The following TEX2 variants were observed in gnomAD, a reference collection of about 807,000 sequenced individuals.
The protein encoded by TEX2 is testis-expressed protein 2.
TEX2 carries 53 observed loss-of-function variants against 106.9 expected under a neutral mutation model. The observed-to-expected ratio is 0.50, with a 90% CI of 0.40 to 0.62. The LOEUF (loss-of-function observed/expected upper bound fraction) is 0.62, where lower values mean the gene tolerates loss of function less well. Among genes scored for constraint, TEX2 ranks in the 20% least tolerant of loss-of-function variants. The probability of loss-of-function intolerance (pLI) is 0.00; values close to 1 mark genes in which losing one functional copy is unlikely to be tolerated. For synonymous variants in TEX2, 523 were observed against 534.8 expected, an observed-to-expected ratio of 0.98 and a Z score of 0.30; for missense variants, 1,207 against 1,379.0, an observed-to-expected ratio of 0.88 and a Z score of 1.98.
At chr17:64,174,049 G>A (rs1313180295) in intron 6 of TEX2, among the ~76,000 whole-genome samples, 1 of 151,548 alleles carries the variant, frequency 6.6e-6, no homozygotes, top group Non-Finnish European at 1.5e-5. Context: ...GTCTTACTAT[G>A]TTGCCTAGTC....
At chr17:64,250,323 G>A (rs1329585280) in intron 1 of TEX2, among the ~76,000 whole-genome samples, 6 of 152,226 alleles carry the variant, frequency 3.9e-5, no homozygotes, top group Non-Finnish European at 5.9e-5. Context: ...ATGCTCAGCC[G>A]TTAGTGAGCA....
intron 5 of TEX2, among the ~76,000 whole-genome samples, chr17:64,179,939 A>G (rs1210329829): frequency 6.6e-6 from 1 of 152,222 alleles, no homozygotes; most frequent in Non-Finnish European, 1.5e-5. Context: ...TCCTGGATGG[A>G]AGGGCAAGAG....
chr17:64,158,601 G>A (rs891420899), intron 8 of TEX2, among the ~76,000 whole-genome samples: 13 of 152,312 alleles, frequency 8.5e-5, no homozygotes, highest in South Asian at 6.2e-4. Context: ...TGGTGATTCC[G>A]TAAACCTCAT....
chr17:64,217,662 ACTC>A lies in TEX2; in HGVS notation c.-25-3423_-25-3421del, dbSNP rs1359404098. Among the ~76,000 whole-genome samples, 1 of 151,910 alleles carries A rather than the reference ACTC, an allele frequency of 6.6e-6. No homozygotes were observed. On this transcript the variant is annotated intron_variant, in intron 1 of 11. Transcript: ENST00000584379. The surrounding 1 kb of genome is among the most constrained non-coding windows in gnomAD (Gnocchi z 4.3). ...TAAAATGGCTAGCCTCCTGCCCTCT[ACTC>A]CTGAAACTCAATTATACCCAGGCTC...
At chr17:64,200,913 TC>T (rs1379614761) in intron 2 of TEX2, among the ~76,000 whole-genome samples, 4 of 152,052 alleles carry the variant, frequency 2.6e-5, no homozygotes, top group Non-Finnish European at 4.4e-5. Context: ...TCTTCAAATT[TC>T]CTCCTTCCTG....
rs782489657 is a variant in TEX2 at position 64,213,956 on chromosome 17, G to C, written c.262C>G (p.Pro88Ala). The C allele has an allele frequency of 1.9e-6, 3 of 1,614,050 alleles. No individual in the cohort carries two copies. The highest frequency in any genetic ancestry group is 2.2e-5 in the East Asian group (1 of 44,886). ...EPQVGHDPAG[P>A]AASPVLADGL... ...TCTGCCAGGACAGGCGAGGCAGCAG[G>C]GCCGGCGGGGTCATGGCCAACTTGG... is the stretch of plus-strand genomic sequence containing the variant. Residue 88 changes from proline (P) to alanine (A), a missense_variant, in exon 2 of 12, where the codon CCT becomes GCT. By Grantham distance (27) the Pro-to-Ala change is conservative (BLOSUM62 -1). Around this residue, in one of 3 missense-constraint regions of TEX2, gnomAD observed 1,067 missense variants for 1,193.6 expected, o/e 0.89. Transcript: ENST00000584379. The surrounding 1 kb of genome is among the most constrained non-coding windows in gnomAD (Gnocchi z 4.4).
At chr17:64,163,616 C>A (rs1415078178) in intron 7 of TEX2, among the ~76,000 whole-genome samples, 2 of 152,146 alleles carry the variant, frequency 1.3e-5, no homozygotes, top group African/African-American at 2.4e-5. Flanking sequence ...GACCTGAAAA[C>A]CTGGGGACAC....
chr17:64,241,580 G>A (rs1452346951), intron 1 of TEX2, among the ~76,000 whole-genome samples: 1 of 152,100 alleles, frequency 6.6e-6, no homozygotes, highest in Non-Finnish European at 1.5e-5. Context: ...AGACCTTCCT[G>A]ACTACCTCAT....
chr17:64,232,228 T>C (rs2033674930), intron 1 of TEX2, among the ~76,000 whole-genome samples: 1 of 152,190 alleles, frequency 6.6e-6, no homozygotes, highest in African/African-American at 2.4e-5. Flanking sequence ...TGGTGTTTCG[T>C]GGTGAAAGAG....
intron 1 of TEX2, among the ~76,000 whole-genome samples, chr17:64,233,434 G>A (rs1210437441): frequency 2.6e-5 from 4 of 152,238 alleles, no homozygotes; most frequent in Non-Finnish European, 5.9e-5. Flanking sequence ...TTAGCCAGGC[G>A]CGGTGGCAGG....
chr17:64,181,212 T>A (rs11654730), intron 5 of TEX2, among the ~76,000 whole-genome samples: 2 of 151,918 alleles, frequency 1.3e-5, no homozygotes, highest in Non-Finnish European at 2.9e-5. Flanking sequence ...GCGTGGTGGT[T>A]CATGCCTGTA....
At chr17:64,156,753 C>T (rs1165999912) in intron 8 of TEX2, among the ~76,000 whole-genome samples, 1 of 152,176 alleles carries the variant, frequency 6.6e-6, no homozygotes, top group Non-Finnish European at 1.5e-5. Context: ...AATCTGTCCC[C>T]ACAGCACAGG....
In TEX2 at chr17:64,213,340, C is replaced by T. The variant is rs782653079; in HGVS notation, c.878G>A (p.Arg293His). ...AGGCTCATAGATGACTTCTGAAAGG[C>T]GTCGTTTAGTATCTTCAATTTTAGC... is the stretch of plus-strand genomic sequence containing the variant. ...MEAKIEDTKR[R>H]LSEVIYEPFQ... is the part of the protein sequence containing the mutation. Residue 293 changes from arginine to histidine, a missense_variant, in exon 2 of 12, where the codon CGC becomes CAC. Arg to His is a conservative substitution (Grantham distance 29, BLOSUM62 0). Coordinates refer to ENST00000584379, the MANE Select transcript of TEX2 (RefSeq NM_001288732.2). The surrounding 1 kb of genome is among the most constrained non-coding windows in gnomAD (Gnocchi z 4.4). The T allele has an allele frequency of 3.7e-6, 6 of 1,613,924 alleles. No homozygotes were observed. Among genetic ancestry groups the T allele is most frequent in the East Asian group, 4.5e-5 (2 of 44,890 alleles).
intron 1 of TEX2, among the ~76,000 whole-genome samples, chr17:64,235,637 T>C (rs1456098973): frequency 1.3e-5 from 2 of 152,216 alleles, no homozygotes; most frequent in Non-Finnish European, 2.9e-5. Context: ...ATTAGGGATA[T>C]ATGTTCCATA....
rs1019583009 is a variant in TEX2, at chr17:64,212,714, T to C, written c.1504A>G (p.Ile502Val). 4.3e-6 allele frequency: 7 copies of C among 1,614,104 alleles called. No individual in the cohort carries two copies. The Admixed American group carries it at 1.0e-4, about 23-fold the overall frequency. The change falls in exon 2 of 12, where the codon ATT becomes GTT. Residue 502 changes from isoleucine to valine, a missense_variant. By Grantham distance (29) the Ile-to-Val change is conservative. Coordinates refer to ENST00000584379, the MANE Select transcript of TEX2 (RefSeq NM_001288732.2). ...ACTGCAGTCATGAATCCAAGGCCAA[T>C]TCCCAGAAAGAGTCCACTCACATAG... is the stretch of plus-strand genomic sequence containing the variant. ...PHYVSGLFLG[I>V]GLGFMTAVCV... is the part of the protein sequence containing the mutation.
intron 1 of TEX2, among the ~76,000 whole-genome samples, chr17:64,249,527 T>C (rs1555636705): frequency 2.6e-5 from 4 of 151,820 alleles, no homozygotes. Context: ...CAAATATACA[T>C]ATATTAAATT....
At chr17:64,186,941 CT>C in intron 5 of TEX2, among the ~76,000 whole-genome samples, 1 of 152,320 alleles carries the variant, frequency 6.6e-6, no homozygotes, top group East Asian at 1.9e-4. Context: ...GCCAAGCAGG[CT>C]TTCAGAATAA....
chr17:64,177,398 C>T lies in TEX2; in HGVS notation c.2498G>A (p.Trp833Ter), dbSNP rs17853690. ...CCAGTATTTCTCTCCTAAGAAGTCC[C>T]AAAATATTCTTCCAAGCAAGGCATT... is the stretch of plus-strand genomic sequence containing the variant. ...WVNALLGRIFWDFLGEKYWSD... is the reference protein window; with the variant it reads ...WVNALLGRIF The change falls in exon 6 of 12, where the codon TGG (tryptophan) becomes TAG (stop). Residue 833 changes from tryptophan to a stop codon, truncating the protein, a stop_gained. Transcript: ENST00000584379. LOFTEE classifies it high-confidence loss of function. 3 of 1,614,096 alleles carry T rather than the reference C, an allele frequency of 1.9e-6. No homozygotes were observed. Among genetic ancestry groups the T allele is most frequent in the Non-Finnish European group, 2.5e-6 (3 of 1,180,014 alleles).
At chr17:64,223,356 G>GAT (rs2033412284) in intron 1 of TEX2, among the ~76,000 whole-genome samples, 1 of 73,990 alleles carries the variant, frequency 1.4e-5, no homozygotes, top group African/African-American at 3.5e-5. Flanking sequence ...ACTGAATCTG[G>GAT]CTTTTTTTTT....
Sources: allele counts gnomAD v4.1 joint callset (sites outside exome capture counted in the v4.1 genomes callset), GRCh38; gene constraint gnomAD v4.1.1; regional missense constraint gnomAD v4.1.1; non-coding constraint Gnocchi (gnomAD v3.1); transcripts MANE v1.5; gene names NCBI Gene and HGNC (gene_info 2026-07-23, HGNC 2026-07-21).